Variants in ACO2 observed in about 807,000 individuals in gnomAD.
The protein encoded by ACO2 is aconitate hydratase, mitochondrial.
ACO2 carries 31 observed loss-of-function variants against 84.5 expected under a neutral mutation model. The ratio of observed to expected loss-of-function variants is 0.37; its 90% CI spans 0.28 to 0.50. The LOEUF (loss-of-function observed/expected upper bound fraction) is 0.50. Among genes scored for constraint, ACO2 ranks in the 20% least tolerant of loss-of-function variants. The pLI, the probability that ACO2 is intolerant of heterozygous loss-of-function variation, is 0.97. For missense variants in ACO2, 685 were observed against 1,029.3 expected (o/e 0.67, Z 4.58); for synonymous variants, 414 against 412.7 (o/e 1.00, Z -0.04).
intron 2 of ACO2, among the ~76,000 whole-genome samples, chr22:41,500,624 A>G (rs959371726): frequency 6.6e-5 from 10 of 152,008 alleles, no homozygotes; most frequent in Non-Finnish European, 1.5e-4. Context: ...AGCTCAAGCA[A>G]TCAGCTTGCC....
chr22:41,497,637 C>T (rs2066324114), intron 1 of ACO2, among the ~76,000 whole-genome samples: 1 of 152,124 alleles, frequency 6.6e-6, no homozygotes, highest in Non-Finnish European at 1.5e-5. Context: ...AATCCTAGCA[C>T]TTTGGGAGGC....
At chr22:41,520,413 A>G (rs912312226) in intron 9 of ACO2, 137 bp downstream of exon 9, 4 of 638,134 alleles carry the variant, frequency 6.3e-6, no homozygotes, top group Admixed American at 3.1e-5. Context: ...TTATTGAAAA[A>G]TTACTTTTTC....
chr22:41,487,685 A>T (rs993175286), intron 1 of ACO2, among the ~76,000 whole-genome samples: 1 of 151,866 alleles, frequency 6.6e-6, no homozygotes, highest in East Asian at 1.9e-4. Flanking sequence ...GATAATCTAT[A>T]CTTCTAGATG....
At chr22:41,489,385 T>G (rs532615061) in intron 1 of ACO2, among the ~76,000 whole-genome samples, 118 of 152,336 alleles carry the variant, frequency 7.7e-4, no homozygotes, top group African/African-American at 2.8e-3. Context: ...GACCACATTC[T>G]TAATTTCTTC....
chr22:41,525,981 G>T (rs1248645957), intron 14 of ACO2: 1 of 371,766 alleles, frequency 2.7e-6, no homozygotes, highest in East Asian at 4.5e-5. Flanking sequence ...AGGCCTGAAG[G>T]GTGAGCGAAC....
chr22:41,528,767 G>C lies in ACO2; in HGVS notation c.*154G>C. On this transcript the variant is annotated 3_prime_UTR_variant, in exon 18 of 18. Coordinates refer to ENST00000216254, the MANE Select transcript of ACO2 (RefSeq NM_001098.3). ...CTTAGCCCACGGAGTGACTGTGGTT[G>C]TGGTGGGGGGGTTCTTAAAATAACT... The C allele has an allele frequency of 8.9e-7, 1 of 1,121,916 alleles. No individual in the cohort carries two copies. The highest frequency in any genetic ancestry group is 1.2e-6 in the Non-Finnish European group (1 of 818,590). 69.5% of individuals were successfully genotyped at this position (1,121,916 alleles called of 1,614,324 possible). A position where few individuals can be genotyped will look rare whatever the true frequency, so the allele number is the denominator to read the frequency against.
Position 41,522,903 on chromosome 22 carries a change from G to A in ACO2, c.1212G>A (p.Leu404=), listed in dbSNP as rs2066538283. Residue 404 remains leucine (L), a synonymous_variant, in exon 10 of 18, where the codon CTG becomes CTA. Coordinates refer to ENST00000216254, the MANE Select transcript of ACO2 (RefSeq NM_001098.3). The part of the protein sequence containing the change: ...GRSAAVAKQA[L]AHGLKCKSQF... ...CAGCAGCTGTGGCCAAGCAGGCACT[G>A]GCCCATGGCCTCAAGTGCAAGTCCC... The A allele has an allele frequency of 1.2e-6, 2 of 1,614,084 alleles. No homozygotes were observed. Among genetic ancestry groups the A allele is most frequent in the Non-Finnish European group, 1.7e-6 (2 of 1,180,046 alleles).
chr22:41,480,918 C>G (rs55989757), intron 1 of ACO2, among the ~76,000 whole-genome samples: 1,785 of 152,232 alleles, frequency 0.012, 39 homozygotes, highest in African/African-American at 0.041. Flanking sequence ...TGGGCTCAAG[C>G]AATTCTCCCA....
At chr22:41,499,888 A>C in intron 2 of ACO2, 26 bp downstream of exon 2, 1 of 1,612,606 alleles carries the variant, frequency 6.2e-7, no homozygotes, top group Non-Finnish European at 8.5e-7. Flanking sequence ...GGAGGCTGTG[A>C]CTGTCAAGGG....
chr22:41,518,503 A>C lies in ACO2; in HGVS notation c.963A>C (p.Glu321Asp). 1.2e-6 allele frequency: 2 copies of C among 1,613,810 alleles called. No homozygotes were observed. The highest frequency in any genetic ancestry group is 1.7e-6 in the Non-Finnish European group (2 of 1,179,844). The change falls in exon 8 of 18, where the codon GAA becomes GAC. Residue 321 changes from glutamate (E) to aspartate (D), a missense_variant. By Grantham distance (45) the Glu-to-Asp change is conservative (BLOSUM62 2). This residue lies in a region of ACO2 where 311 missense variants were observed against 441.6 expected (regional missense o/e 0.70). Transcript: ENST00000216254. Reference sequence around the variant, plus strand: ...CAGACATTGCCAATCTAGCTGATGAATTCAAGGATCACTTGGTGCCTGACC... The same window carrying C: ...CAGACATTGCCAATCTAGCTGATGACTTCAAGGATCACTTGGTGCCTGACC... ...GREDIANLADEFKDHLVPDPG... is the reference protein window; with the variant it reads ...GREDIANLADDFKDHLVPDPG...
At chr22:41,488,580 C>G (rs2066249368) in intron 1 of ACO2, among the ~76,000 whole-genome samples, 1 of 152,168 alleles carries the variant, frequency 6.6e-6, no homozygotes, top group Non-Finnish European at 1.5e-5. Context: ...GAGTGCTGTT[C>G]TGAGTCTCAT....
chr22:41,473,182 C>A (rs186647475), intron 1 of ACO2, among the ~76,000 whole-genome samples: 1 of 152,234 alleles, frequency 6.6e-6, no homozygotes, highest in Admixed American at 6.5e-5. Context: ...CACAGCATTA[C>A]CTTTCAAACC....
chr22:41,523,458 A>G (rs2066544218), intron 11 of ACO2, among the ~76,000 whole-genome samples, 180 bp downstream of exon 11: 1 of 152,196 alleles, frequency 6.6e-6, no homozygotes, highest in Non-Finnish European at 1.5e-5. Context: ...TGGGTGAGGA[A>G]GGGCCCTGCA....
At chr22:41,509,230 T>C (rs988894867) in intron 3 of ACO2, among the ~76,000 whole-genome samples, 1 of 152,118 alleles carries the variant, frequency 6.6e-6, no homozygotes, top group Non-Finnish European at 1.5e-5. Flanking sequence ...TCTGCTTGCT[T>C]TATGGGCTCA....
At chr22:41,495,401 TC>T (rs1332952383) in intron 1 of ACO2, among the ~76,000 whole-genome samples, 1 of 152,092 alleles carries the variant, frequency 6.6e-6, no homozygotes, top group Non-Finnish European at 1.5e-5. Context: ...CAAGCAATCT[TC>T]CTGTGTCCGA....
At chr22:41,497,672 CAGG>C (rs2066324550) in intron 1 of ACO2, among the ~76,000 whole-genome samples, 1 of 151,446 alleles carries the variant, frequency 6.6e-6, no homozygotes, top group Non-Finnish European at 1.5e-5. Context: ...CACCTGAGGT[CAGG>C]AGTTCAAGAC....
intron 1 of ACO2, among the ~76,000 whole-genome samples, chr22:41,487,016 T>G (rs2038166163): frequency 1.3e-5 from 2 of 152,132 alleles, no homozygotes; most frequent in South Asian, 4.1e-4. Context: ...CCCGAGTAGC[T>G]GGGATTACAG....
intron 1 of ACO2, among the ~76,000 whole-genome samples, chr22:41,472,888 CTG>C (rs2037963186): frequency 6.6e-6 from 1 of 152,168 alleles, no homozygotes. Flanking sequence ...CTTGAGATAA[CTG>C]GGGTGCTGAG....
chr22:41,511,839 A>G (rs779876962), intron 3 of ACO2, 37 bp from the exon 4 acceptor site: 4 of 1,530,582 alleles, frequency 2.6e-6, no homozygotes, highest in Non-Finnish European at 3.6e-6. Context: ...GACACAAACC[A>G]TGTTGCTAAC....
Sources: gnomAD v4.1 joint callset for allele counts (sites outside exome capture counted in the v4.1 genomes callset) on GRCh38, gnomAD v4.1.1 for gene constraint, gnomAD v4.1.1 regional missense constraint, MANE v1.5 for transcripts, NCBI Gene and HGNC (gene_info 2026-07-23, HGNC 2026-07-21) for gene names.